Variants in KCNH7 observed in about 807,000 individuals in gnomAD.
KCNH7 encodes the protein potassium voltage-gated channel subfamily H member 7, also known as voltage-gated inwardly rectifying potassium channel KCNH7.
A neutral mutation model predicts 120.8 loss-of-function variants in KCNH7; 49 were observed. The ratio of observed to expected loss-of-function variants is 0.41; its 90% CI spans 0.32 to 0.51. The LOEUF (loss-of-function observed/expected upper bound fraction) is 0.51. KCNH7 is among the 20% of genes least tolerant of loss of function. KCNH7 has a pLI of 0.38. For missense variants in KCNH7, 1,097 were observed against 1,446.6 expected (o/e 0.76, Z 3.92); for synonymous variants, 547 against 516.1 (o/e 1.06, Z -0.81).
intron 2 of KCNH7, among the ~76,000 whole-genome samples, chr2:162,830,189 G>A (rs1685427671): frequency 6.6e-6 from 1 of 152,116 alleles, no homozygotes; most frequent in South Asian, 2.1e-4. Context: ...TTTCGGGTGA[G>A]AAGCTGAGAG....
intron 9 of KCNH7, chr2:162,423,134 T>A: frequency 9.2e-7 from 1 of 1,089,180 alleles, no homozygotes; most frequent in East Asian, 2.5e-5. Flanking sequence ...TTATAATGCC[T>A]TTGCCACACA....
chr2:162,427,770 T>G (rs376089626), intron 8 of KCNH7, among the ~76,000 whole-genome samples: 85 of 151,974 alleles, frequency 5.6e-4, no homozygotes, highest in African/African-American at 1.7e-3. Context: ...TTTGGTAATG[T>G]GTATAATTCA....
intron 2 of KCNH7, among the ~76,000 whole-genome samples, chr2:162,553,205 A>C (rs969104022): frequency 6.6e-5 from 10 of 152,130 alleles, no homozygotes; most frequent in African/African-American, 2.4e-4. Flanking sequence ...TGACTGTATG[A>C]ACTGGTAGAT....
intron 2 of KCNH7, among the ~76,000 whole-genome samples, chr2:162,727,727 T>C (rs867950520): frequency 6.6e-5 from 10 of 152,194 alleles, no homozygotes; most frequent in African/African-American, 1.9e-4. Flanking sequence ...CATACTTTCT[T>C]GTTGATGAAC....
intron 2 of KCNH7, among the ~76,000 whole-genome samples, chr2:162,718,443 T>G (rs1687209294): frequency 6.6e-6 from 1 of 152,026 alleles, no homozygotes. Flanking sequence ...TTTATCTCTT[T>G]GAGAGTAGAC....
chr2:162,728,635 G>A (rs796990536), intron 2 of KCNH7, among the ~76,000 whole-genome samples: 19 of 152,138 alleles, frequency 1.2e-4, no homozygotes, highest in African/African-American at 4.3e-4. Flanking sequence ...AAAATTAGCC[G>A]GGCTTGGAGG....
intron 2 of KCNH7, among the ~76,000 whole-genome samples, chr2:162,599,357 C>T (rs961540706): frequency 5.9e-5 from 9 of 152,014 alleles, no homozygotes; most frequent in African/African-American, 1.7e-4. Flanking sequence ...TATTCTGGGT[C>T]TTCTGCACTG....
chr2:162,634,609 G>A (rs936565643), intron 2 of KCNH7, among the ~76,000 whole-genome samples: 4 of 152,046 alleles, frequency 2.6e-5, no homozygotes, highest in East Asian at 3.9e-4. Context: ...CTATGTCACC[G>A]ATGAGGGGAC....
chr2:162,539,803 G>C lies in KCNH7; in HGVS notation c.308-2723C>G, dbSNP rs549382482. On this transcript the variant is annotated intron_variant, in intron 2 of 15. Coordinates refer to ENST00000332142, the MANE Select transcript of KCNH7 (RefSeq NM_033272.4). ...TCACATACTTTTCTCTTTTAGTTTG[G>C]GGATTTAATATCTCCATCAATCTTG... 1.7e-4 allele frequency among the ~76,000 whole-genome samples: 26 copies of C among 152,052 alleles called. No individual in the cohort carries two copies. In the East Asian group the frequency reaches 5.1e-3, roughly 30 times the overall value.
chr2:162,760,629 G>A (rs1014063580), intron 2 of KCNH7, among the ~76,000 whole-genome samples: 5 of 151,964 alleles, frequency 3.3e-5, no homozygotes, highest in Non-Finnish European at 7.4e-5. Context: ...AATATCTTCT[G>A]AGCCATATAC....
intron 2 of KCNH7, among the ~76,000 whole-genome samples, chr2:162,785,951 T>C (rs549745839): frequency 6.6e-6 from 1 of 152,224 alleles, no homozygotes; most frequent in East Asian, 1.9e-4. Context: ...GAGTTAAAAC[T>C]AGTAGTATGG....
intron 9 of KCNH7, among the ~76,000 whole-genome samples, chr2:162,412,305 A>G (rs893847239): frequency 6.6e-6 from 1 of 152,068 alleles, no homozygotes; most frequent in East Asian, 1.9e-4. Context: ...ATTGAACTGG[A>G]TTTTGTTTTT....
chr2:162,747,327 T>A (rs1342256400), intron 2 of KCNH7, among the ~76,000 whole-genome samples: 1 of 152,084 alleles, frequency 6.6e-6, no homozygotes, highest in Non-Finnish European at 1.5e-5. Context: ...TTAAAAATAA[T>A]AAAAGAAACC....
rs1409365976 is a variant in KCNH7 at position 162,475,185 on chromosome 2, TATACATGTGGCGAATGACACTGTTTA to T, written c.1129-28768_1129-28743del. 2.0e-5 allele frequency among the ~76,000 whole-genome samples: 3 copies of T among 152,234 alleles called. No individual in the cohort carries two copies. In the East Asian group the frequency reaches 5.8e-4, roughly 29 times the overall value. On this transcript the variant is annotated intron_variant, in intron 6 of 15. Transcript: ENST00000332142. ...ACTACAAGCCCCTGGAGACATGTGGTATACATGTGGCGAATGACACTGTTTAAAGATGCCATTTATGTGCAGAATAC... is the reference window on the plus strand; with the variant it reads ...ACTACAAGCCCCTGGAGACATGTGGTAAGATGCCATTTATGTGCAGAATAC...
At chr2:162,633,846 T>C (rs941443422) in intron 2 of KCNH7, among the ~76,000 whole-genome samples, 7 of 152,042 alleles carry the variant, frequency 4.6e-5, no homozygotes, top group Admixed American at 3.3e-4. Flanking sequence ...TTCCTAGAAA[T>C]TCTCCACAGG....
chr2:162,407,514 C>A (rs1044496523), intron 9 of KCNH7, among the ~76,000 whole-genome samples: 1 of 151,976 alleles, frequency 6.6e-6, no homozygotes, highest in African/African-American at 2.4e-5. Context: ...CTTTCATACA[C>A]ATGTCCTTGT....
At chr2:162,731,682 GCA>G (rs1687735914) in intron 2 of KCNH7, among the ~76,000 whole-genome samples, 1 of 151,820 alleles carries the variant, frequency 6.6e-6, no homozygotes, top group Non-Finnish European at 1.5e-5. Context: ...ATTTATGAAA[GCA>G]CATAAATATT....
intron 2 of KCNH7, among the ~76,000 whole-genome samples, chr2:162,836,017 C>G (rs1685651510): frequency 2.6e-5 from 4 of 152,158 alleles, no homozygotes; most frequent in Middle Eastern, 6.8e-3. Flanking sequence ...GGTAAAAGTT[C>G]CTATTTATCA....
chr2:162,511,240 TAAAC>T (rs1251501601), intron 5 of KCNH7, among the ~76,000 whole-genome samples: 1 of 151,700 alleles, frequency 6.6e-6, no homozygotes, highest in East Asian at 1.9e-4. Flanking sequence ...GTTTGAAAGT[TAAAC>T]AAGTCCAATT....
Sources: allele counts gnomAD v4.1 joint callset (sites outside exome capture counted in the v4.1 genomes callset), GRCh38; gene constraint gnomAD v4.1.1; transcripts MANE v1.5; gene names NCBI Gene and HGNC (gene_info 2026-07-23, HGNC 2026-07-21).